The following NR6A1 variants were observed in gnomAD, a reference collection of about 807,000 sequenced individuals.
NR6A1 encodes the protein retinoic acid receptor-related testis-associated receptor.
In NR6A1, 7 loss-of-function variants were observed where a neutral mutation model predicts 59.1. The observed-to-expected ratio is 0.12, with a 90% CI of 0.07 to 0.22. The LOEUF (loss-of-function observed/expected upper bound fraction) is 0.22. Among genes scored for constraint, NR6A1 ranks in the 10% least tolerant of loss-of-function variants. The probability of loss-of-function intolerance (pLI) is 1.00; values close to 1 mark genes in which losing one functional copy is unlikely to be tolerated. For synonymous variants in NR6A1, 243 were observed against 236.1 expected, an observed-to-expected ratio of 1.03 and a Z score of -0.27; for missense variants, 468 against 611.6, an observed-to-expected ratio of 0.77 and a Z score of 2.48.
In NR6A1 at chr9:124,626,581, A is replaced by T. The variant is rs550879724; in HGVS notation, c.143-72011T>A. 2.0e-5 allele frequency among the ~76,000 whole-genome samples: 3 copies of T among 152,346 alleles called. No homozygotes were observed. In the South Asian group the frequency reaches 6.2e-4, roughly 32 times the overall value. ...ACAGATACTGACTTACAAATTATATATATTTCCAAAAGTCACTTTTTGGCC... is the reference window on the plus strand; with the variant it reads ...ACAGATACTGACTTACAAATTATATTTATTTCCAAAAGTCACTTTTTGGCC... On this transcript the variant is annotated intron_variant, in intron 2 of 9. Coordinates refer to ENST00000487099, the MANE Select transcript of NR6A1 (RefSeq NM_033334.4).
chr9:124,567,263 A>AG (rs1834285935), intron 2 of NR6A1, among the ~76,000 whole-genome samples: 1 of 152,184 alleles, frequency 6.6e-6, no homozygotes, highest in South Asian at 2.1e-4. Context: ...GGAACAGATC[A>AG]GAACTCCAAG....
chr9:124,628,308 G>A (rs957740115), intron 2 of NR6A1, among the ~76,000 whole-genome samples: 1 of 152,108 alleles, frequency 6.6e-6, no homozygotes, highest in Admixed American at 6.5e-5. Flanking sequence ...GATTACAGGC[G>A]TGAGCCACCG....
intron 2 of NR6A1, among the ~76,000 whole-genome samples, chr9:124,703,378 T>G: frequency 6.8e-6 from 1 of 146,026 alleles, no homozygotes; most frequent in East Asian, 2.0e-4. Flanking sequence ...ATGTCCAGGG[T>G]TTTTTTTTTC....
intron 2 of NR6A1, among the ~76,000 whole-genome samples, chr9:124,725,081 A>G (rs1329089977): frequency 1.3e-5 from 2 of 152,174 alleles, no homozygotes; most frequent in Non-Finnish European, 2.9e-5. Flanking sequence ...CTTGAGTTTT[A>G]CAGCTACACG....
chr9:124,665,246 T>C (rs1837577980), intron 2 of NR6A1, among the ~76,000 whole-genome samples: 1 of 151,474 alleles, frequency 6.6e-6, no homozygotes, highest in Admixed American at 6.6e-5. Context: ...ATTTTGGGAA[T>C]GGTCCAATGA....
At chr9:124,548,763 T>C (rs777085097) in intron 3 of NR6A1, among the ~76,000 whole-genome samples, 9 of 152,212 alleles carry the variant, frequency 5.9e-5, no homozygotes, top group Non-Finnish European at 1.0e-4. Context: ...CTTTATACTT[T>C]TGAACTAGTT....
At chr9:124,659,207 C>G (rs191936112) in intron 2 of NR6A1, among the ~76,000 whole-genome samples, 1 of 151,314 alleles carries the variant, frequency 6.6e-6, no homozygotes, top group Admixed American at 6.6e-5. Flanking sequence ...GACAAAGGCA[C>G]GAGCCAAAAC....
chr9:124,626,168 G>A lies in NR6A1; in HGVS notation c.143-71598C>T, dbSNP rs574675591. ...CTACAGGCGCACGCCACCATGCCCA[G>A]CTAATTTTTGTATTTTCCGTAGAGA... On this transcript the variant is annotated intron_variant, in intron 2 of 9. Transcript: ENST00000487099. 4.6e-5 allele frequency among the ~76,000 whole-genome samples: 7 copies of A among 152,324 alleles called. No homozygotes were observed. The South Asian group carries it at 1.5e-3, about 32-fold the overall frequency.
chr9:124,722,113 T>C (rs1317863539), intron 2 of NR6A1, among the ~76,000 whole-genome samples: 1 of 152,236 alleles, frequency 6.6e-6, no homozygotes, highest in African/African-American at 2.4e-5. Flanking sequence ...ACCAGAGTCC[T>C]TTCTGGGCAA....
intron 2 of NR6A1, among the ~76,000 whole-genome samples, chr9:124,731,853 TATTAA>T (rs1286714286): frequency 6.6e-6 from 1 of 152,174 alleles, no homozygotes; most frequent in East Asian, 1.9e-4. Flanking sequence ...AACAGTAAGT[TATTAA>T]TAAAGTTTTT....
intron 2 of NR6A1, among the ~76,000 whole-genome samples, chr9:124,573,079 T>C (rs1412306031): frequency 6.6e-6 from 1 of 152,200 alleles, no homozygotes; most frequent in Non-Finnish European, 1.5e-5. Context: ...TGCCAACTTC[T>C]AATATCTTCA....
intron 1 of NR6A1, among the ~76,000 whole-genome samples, chr9:124,750,529 G>C (rs112347676): frequency 0.01 from 1,543 of 152,302 alleles, 27 homozygotes; most frequent in African/African-American, 0.035. Flanking sequence ...GGGAGGCCGA[G>C]GCAGGCGGAT....
chr9:124,688,614 G>A (rs1838418994), intron 2 of NR6A1, among the ~76,000 whole-genome samples: 1 of 152,168 alleles, frequency 6.6e-6, no homozygotes, highest in Admixed American at 6.5e-5. Flanking sequence ...CACTGCTACT[G>A]GCCAAGTAGC....
chr9:124,527,026 T>C, intron 7 of NR6A1, 126 bp from the exon 8 acceptor site: 1 of 1,149,140 alleles, frequency 8.7e-7, no homozygotes, highest in Non-Finnish European at 1.2e-6. Flanking sequence ...CCAAAGCCAC[T>C]TGGGAAGTAC....
chr9:124,709,607 T>C (rs925231729), intron 2 of NR6A1, among the ~76,000 whole-genome samples: 1 of 151,992 alleles, frequency 6.6e-6, no homozygotes, highest in Non-Finnish European at 1.5e-5. Context: ...TGAAATTCAA[T>C]TGCATGCTCT....
chr9:124,766,139 CAAGA>C (rs1292439835), intron 1 of NR6A1, among the ~76,000 whole-genome samples: 8 of 152,192 alleles, frequency 5.3e-5, no homozygotes, highest in African/African-American at 9.6e-5. Flanking sequence ...GCTCAATACC[CAAGA>C]AAGAATTACC....
At chr9:124,540,642 T>C (rs923393810) in intron 4 of NR6A1, among the ~76,000 whole-genome samples, 1 of 151,884 alleles carries the variant, frequency 6.6e-6, no homozygotes, top group Non-Finnish European at 1.5e-5. Context: ...CTACAAAAAA[T>C]AGAAAAATTA....
chr9:124,519,097 C>G lies in NR6A1; in HGVS notation c.*3608G>C, dbSNP rs909966959. The G allele has an allele frequency of 2.6e-5, 4 of 152,158 alleles. No homozygotes were observed. The highest frequency in any genetic ancestry group is 6.5e-5 in the Admixed American group (1 of 15,270). The allele number at this position is 152,158 out of a possible 1,614,324, so 9.4% of individuals were successfully genotyped here. On this transcript the variant is annotated 3_prime_UTR_variant, in exon 10 of 10. Coordinates refer to ENST00000487099, the MANE Select transcript of NR6A1 (RefSeq NM_033334.4). ...ACAGAGCAATGCACCTAGCTCAGAG[C>G]CCAGGATTTTAAGGATCTGGTAACA...
At chr9:124,695,725 C>G (rs994429971) in intron 2 of NR6A1, among the ~76,000 whole-genome samples, 3 of 152,124 alleles carry the variant, frequency 2.0e-5, no homozygotes, top group African/African-American at 7.2e-5. Context: ...ACAGAAGGTA[C>G]TCCACGCAGT....
Sources: gnomAD v4.1 joint callset for allele counts (sites outside exome capture counted in the v4.1 genomes callset) on GRCh38, gnomAD v4.1.1 for gene constraint, MANE v1.5 for transcripts, NCBI Gene and HGNC (gene_info 2026-07-23, HGNC 2026-07-21) for gene names.